The following NALCN variants were observed in gnomAD, a reference collection of about 807,000 sequenced individuals.
The protein encoded by NALCN is sodium leak channel, non-selective.
A neutral mutation model predicts 225.3 loss-of-function variants in NALCN; 111 were observed. That is an observed-to-expected ratio of 0.49 (90% CI 0.42 to 0.58). The LOEUF (loss-of-function observed/expected upper bound fraction) is 0.58, where lower values mean the gene tolerates loss of function less well. Ranked by LOEUF, NALCN falls within the 20% of genes least tolerant of loss-of-function variation. The probability of loss-of-function intolerance (pLI) is 0.00; values close to 1 mark genes in which losing one functional copy is unlikely to be tolerated. For synonymous variants in NALCN, 764 were observed against 769.0 expected (o/e 0.99, Z 0.11); for missense variants, 1,378 against 2,202.4 (o/e 0.63, Z 7.49).
chr13:101,168,418 A>C (rs917656938), intron 15 of NALCN, among the ~76,000 whole-genome samples: 5 of 152,168 alleles, frequency 3.3e-5, no homozygotes, highest in Non-Finnish European at 7.3e-5. Context: ...CCGAAAAAAA[A>C]CCCAAATAAA....
rs144947401 is a variant in NALCN, at chr13:101,400,950, G to A, written c.-39-1785C>T. ...TACTTCACACACTCTTTCTCCTGCC[G>A]CCTTGTGAAGAAGGTGTCTTCGACC... is the stretch of plus-strand genomic sequence containing the variant. On this transcript the variant is annotated intron_variant, in intron 1 of 43. Transcript: ENST00000251127. Among the ~76,000 whole-genome samples, 728 of 152,210 alleles carry A rather than the reference G, an allele frequency of 4.8e-3. 4 individuals carry two copies. Among genetic ancestry groups the A allele is most frequent in the African/African-American group, 9.3e-3 (385 of 41,536 alleles).
At chr13:101,283,010 A>G (rs1265444291) in intron 10 of NALCN, among the ~76,000 whole-genome samples, 3 of 152,208 alleles carry the variant, frequency 2.0e-5, no homozygotes, top group African/African-American at 7.2e-5. Context: ...ACTTCTCCAA[A>G]TTATGAGGGC....
At chr13:101,416,863 G>A (rs1375703681), upstream of NALCN, among the ~76,000 whole-genome samples, 2 of 152,104 alleles carry the variant, frequency 1.3e-5, no homozygotes, top group African/African-American at 2.4e-5. Flanking sequence ...CCAGGAGGCC[G>A]GGAGCCCAGC....
chr13:101,081,349 G>A (rs988469406), intron 34 of NALCN, among the ~76,000 whole-genome samples, 178 bp downstream of exon 34: 6 of 152,114 alleles, frequency 3.9e-5, no homozygotes, highest in African/African-American at 1.4e-4. Context: ...GTGGGGGTGT[G>A]TACATGTAGA....
At position 101,376,516 on chromosome 13, in the gene NALCN, A is replaced by AAAAAT. The variant is rs149479126; in HGVS notation, c.644+179_644+183dup. Among the ~76,000 whole-genome samples, 15,640 of 150,462 alleles carry AAAAAT rather than the reference A, an allele frequency of 0.1. 1,226 individuals are homozygous for AAAAAT. The highest frequency in any genetic ancestry group is 0.34 in the East Asian group (1,694 of 5,012). ...TCATGACAGAGCGAGACTCCATCTCAAAAATAAAATAAAATAAAATAAAAT... is the reference window on the plus strand; with the variant it reads ...TCATGACAGAGCGAGACTCCATCTCAAAAATAAAATAAAATAAAATAAAATAAAAT... On this transcript the variant is annotated intron_variant, in intron 6 of 43. Transcript: ENST00000251127.
At chr13:101,403,323 G>A (rs1201490860) in intron 1 of NALCN, among the ~76,000 whole-genome samples, 1 of 152,154 alleles carries the variant, frequency 6.6e-6, no homozygotes, top group Non-Finnish European at 1.5e-5. Context: ...ATTTGTACCT[G>A]CACTTCCTTT....
chr13:101,339,117 A>C (rs1248176011), intron 7 of NALCN, among the ~76,000 whole-genome samples: 1 of 152,202 alleles, frequency 6.6e-6, no homozygotes. Context: ...GTAGGAACTG[A>C]AAGTGGGGTA....
In NALCN at chr13:101,074,668, G is replaced by A. The variant is rs368720362; in HGVS notation, c.3955-6C>T. ...AGGAGCATCTTTAGCGTTACCTGGG[G>A]ACCAGGGGTGGGAAGCGGGGAGACA... On this transcript the variant is annotated splice_region_variant and splice_polypyrimidine_tract_variant and intron_variant, in intron 35 of 43. Transcript: ENST00000251127. The A allele has an allele frequency of 1.3e-6, 2 of 1,598,698 alleles. No homozygotes were observed. Among genetic ancestry groups the A allele is most frequent in the Non-Finnish European group, 1.7e-6 (2 of 1,175,270 alleles).
At chr13:101,129,277 A>G (rs759112556) in intron 17 of NALCN, among the ~76,000 whole-genome samples, 7 of 152,206 alleles carry the variant, frequency 4.6e-5, no homozygotes, top group African/African-American at 1.4e-4. Context: ...TTGATTTTCT[A>G]TCATCGCTCA....
intron 13 of NALCN, among the ~76,000 whole-genome samples, chr13:101,224,449 C>T (rs2041060621): frequency 6.6e-6 from 1 of 152,090 alleles, no homozygotes; most frequent in Admixed American, 6.5e-5. Context: ...ATTCCCTAAT[C>T]ATATCAACCT....
chr13:101,253,052 T>C (rs1205923707), intron 11 of NALCN, among the ~76,000 whole-genome samples: 6 of 152,146 alleles, frequency 3.9e-5, no homozygotes, highest in African/African-American at 1.4e-4. Flanking sequence ...GTAATCATGT[T>C]CATTATAACA....
chr13:101,124,249 A>G lies in NALCN; in HGVS notation c.2192+359T>C, dbSNP rs556484292. The stretch of plus-strand genomic sequence containing the variant: ...CTTAATAGTGTAATGAACTATAATG[A>G]AAAAGTTTACCCTTTTACCATTTAT... On this transcript the variant is annotated intron_variant, in intron 18 of 43. Transcript: ENST00000251127. Among the ~76,000 whole-genome samples, 13 of 152,332 alleles carry G rather than the reference A, an allele frequency of 8.5e-5. No homozygotes were observed. In the South Asian group the frequency reaches 2.7e-3, roughly 32 times the overall value.
Position 101,068,695 on chromosome 13 carries a change from C to A in NALCN, c.4330G>T (p.Ala1444Ser). The change falls in exon 38 of 44, where the codon GCC (alanine) becomes TCC (serine). Residue 1444 changes from alanine (A) to serine (S), a missense_variant and splice_region_variant. Around this residue, in one of 19 missense-constraint regions of NALCN, gnomAD observed 16 missense variants for 66.7 expected, o/e 0.24. Transcript: ENST00000251127. Reference protein sequence around the residue: ...IAYIMLNLLVAIIVENFSLFY... With the variant: ...IAYIMLNLLVSIIVENFSLFY... ...AAAGTATTCAACTAACATCACTTAC[C>A]TACAAGCAGATTTAGCATGATGTAG... 6.3e-7 allele frequency: 1 copy of A among 1,594,140 alleles called. No individual in the cohort carries two copies.
In NALCN at chr13:101,124,654, C is replaced by T. The variant is rs751066316; in HGVS notation, c.2146G>A (p.Ala716Thr). 7 of 1,613,966 alleles carry T rather than the reference C, an allele frequency of 4.3e-6. No homozygotes were observed. The East Asian group carries it at 1.6e-4, about 36-fold the overall frequency. The change falls in exon 18 of 44, where the codon GCA becomes ACA. Residue 716 changes from alanine to threonine, a missense_variant. This residue lies in a region of NALCN where 100 missense variants were observed against 89.4 expected (regional missense o/e 1.12). Transcript: ENST00000251127. ...KLRKSVFSIRARNLLEKETAV... is the reference protein window; with the variant it reads ...KLRKSVFSIRTRNLLEKETAV... ...GTCTCCTTTTCCAGAAGGTTCCTTG[C>T]CCTGATGCTGAAAACAGACTTGCGA...
chr13:101,165,945 G>C (rs988300237), intron 15 of NALCN, among the ~76,000 whole-genome samples: 3 of 152,180 alleles, frequency 2.0e-5, no homozygotes, highest in Non-Finnish European at 2.9e-5. Flanking sequence ...TCTGTCTTCT[G>C]TTTCTCTGAA....
At chr13:101,196,594 TCTC>T (rs1260485868) in intron 13 of NALCN, among the ~76,000 whole-genome samples, 7 of 152,208 alleles carry the variant, frequency 4.6e-5, no homozygotes, top group African/African-American at 1.7e-4. Flanking sequence ...GAGGTTTTCT[TCTC>T]TGTGTTTTAC....
chr13:101,094,986 G>A (rs1395610894), intron 28 of NALCN, among the ~76,000 whole-genome samples: 2 of 152,104 alleles, frequency 1.3e-5, no homozygotes, highest in Admixed American at 6.6e-5. Flanking sequence ...ATTCACTCAT[G>A]GTCATTAATA....
intron 15 of NALCN, among the ~76,000 whole-genome samples, chr13:101,150,450 T>A (rs770626292): frequency 6.6e-6 from 1 of 152,188 alleles, no homozygotes; most frequent in Non-Finnish European, 1.5e-5. Flanking sequence ...TTCGGCACTA[T>A]CAGCCACCAA....
chr13:101,377,734 C>T (rs1410948195), intron 4 of NALCN, among the ~76,000 whole-genome samples: 2 of 152,106 alleles, frequency 1.3e-5, no homozygotes, highest in African/African-American at 4.8e-5. Flanking sequence ...ACCTGTACAA[C>T]ATTGTACCTA....
Sources: allele counts gnomAD v4.1 joint callset (sites outside exome capture counted in the v4.1 genomes callset), GRCh38; gene constraint gnomAD v4.1.1; regional missense constraint gnomAD v4.1.1; transcripts MANE v1.5; gene names NCBI Gene and HGNC (gene_info 2026-07-23, HGNC 2026-07-21).